The following KCNIP4 variants were observed in gnomAD, a reference collection of about 807,000 sequenced individuals.
KCNIP4 encodes the protein Kv channel-interacting protein 4.
Under a neutral mutation model 34.0 loss-of-function variants are expected in KCNIP4, and 12 were observed. The ratio of observed to expected loss-of-function variants is 0.35; its 90% CI spans 0.23 to 0.57. KCNIP4 has a LOEUF of 0.57. Among genes scored for constraint, KCNIP4 ranks in the 20% least tolerant of loss-of-function variants. KCNIP4 has a pLI of 0.83. For missense variants in KCNIP4, 238 were observed against 311.7 expected (o/e 0.76, Z 1.78); for synonymous variants, 124 against 102.2 (o/e 1.21, Z -1.29).
At chr4:21,240,142 C>T (rs550991186) in intron 1 of KCNIP4, among the ~76,000 whole-genome samples, 65 of 145,448 alleles carry the variant, frequency 4.5e-4, no homozygotes, top group African/African-American at 1.6e-3. Flanking sequence ...CCAAACACCG[C>T]ATGTTCTCAC....
At chr4:21,336,753 A>G (rs1342196184) in intron 1 of KCNIP4, among the ~76,000 whole-genome samples, 2 of 152,116 alleles carry the variant, frequency 1.3e-5, no homozygotes, top group Non-Finnish European at 2.9e-5. Flanking sequence ...CAGTTTCTTC[A>G]TCTGTAATAT....
chr4:21,686,967 C>T (rs1750850194), intron 1 of KCNIP4, among the ~76,000 whole-genome samples: 5 of 148,282 alleles, frequency 3.4e-5, no homozygotes, highest in South Asian at 2.2e-4. Context: ...GGCACATATA[C>T]ACCATGGAAT....
At chr4:21,884,985 T>C (rs1726684002) in intron 1 of KCNIP4, among the ~76,000 whole-genome samples, 1 of 152,116 alleles carries the variant, frequency 6.6e-6, no homozygotes, top group Non-Finnish European at 1.5e-5. Flanking sequence ...AACTTGATTA[T>C]TTAATTGGGT....
intron 1 of KCNIP4, among the ~76,000 whole-genome samples, chr4:21,803,420 C>T (rs906340705): frequency 2.0e-5 from 3 of 152,200 alleles, no homozygotes; most frequent in Non-Finnish European, 4.4e-5. Context: ...ATGTTCTTCA[C>T]ACAACATCCA....
At chr4:21,926,323 G>A (rs943614353) in intron 1 of KCNIP4, among the ~76,000 whole-genome samples, 1 of 152,104 alleles carries the variant, frequency 6.6e-6, no homozygotes, top group African/African-American at 2.4e-5. Context: ...GCTTAAATGA[G>A]ACCACAACAA....
chr4:20,822,378 T>C (rs947881459), intron 3 of KCNIP4, among the ~76,000 whole-genome samples: 2 of 152,224 alleles, frequency 1.3e-5, no homozygotes, highest in African/African-American at 4.8e-5. Flanking sequence ...AGATACCACC[T>C]TACTCTTGCA....
intron 1 of KCNIP4, among the ~76,000 whole-genome samples, chr4:21,775,288 G>A (rs889434263): frequency 1.3e-5 from 2 of 152,074 alleles, no homozygotes; most frequent in Admixed American, 6.5e-5. Context: ...TCCTGTGCCT[G>A]GAGAGGTCAC....
chr4:20,937,691 T>C (rs564147545), intron 1 of KCNIP4, among the ~76,000 whole-genome samples: 36 of 152,312 alleles, frequency 2.4e-4, no homozygotes, highest in Admixed American at 1.2e-3. Context: ...GTTTTAAGAC[T>C]TGAAAAAGTT....
chr4:21,648,742 G>C (rs115328969), intron 1 of KCNIP4, among the ~76,000 whole-genome samples: 1 of 152,106 alleles, frequency 6.6e-6, no homozygotes, highest in Non-Finnish European at 1.5e-5. Context: ...GCCTAACTCT[G>C]AAGTGGCAAA....
chr4:21,105,404 T>C (rs1334400159), intron 1 of KCNIP4, among the ~76,000 whole-genome samples: 5 of 151,676 alleles, frequency 3.3e-5, no homozygotes, highest in Admixed American at 2.6e-4. Context: ...GTTTGTCTGT[T>C]ATTGGTGTAT....
At chr4:20,939,947 C>T (rs984795338) in intron 1 of KCNIP4, among the ~76,000 whole-genome samples, 5 of 152,182 alleles carry the variant, frequency 3.3e-5, no homozygotes, top group Admixed American at 3.3e-4. Context: ...AACCTTGAGC[C>T]TTATTCTTCT....
chr4:21,359,186 A>G (rs1290276500), intron 1 of KCNIP4, among the ~76,000 whole-genome samples: 1 of 152,112 alleles, frequency 6.6e-6, no homozygotes, highest in African/African-American at 2.4e-5. Context: ...GAGTGGAACA[A>G]AAGGTAAAGA....
chr4:21,727,114 G>C (rs1379516788), intron 1 of KCNIP4, among the ~76,000 whole-genome samples: 2 of 152,104 alleles, frequency 1.3e-5, no homozygotes, highest in Non-Finnish European at 2.9e-5. Flanking sequence ...CTCTAAATGT[G>C]TTCCTCCAAA....
intron 1 of KCNIP4, among the ~76,000 whole-genome samples, chr4:21,187,138 T>C (rs759732729): frequency 2.0e-5 from 3 of 152,212 alleles, no homozygotes; most frequent in Non-Finnish European, 4.4e-5. Flanking sequence ...AAATCTCTAA[T>C]GTATAGCTTA....
intron 1 of KCNIP4, among the ~76,000 whole-genome samples, chr4:20,938,792 G>A (rs778016248): frequency 2.6e-5 from 4 of 152,092 alleles, no homozygotes; most frequent in Non-Finnish European, 5.9e-5. Context: ...TATTTTTACT[G>A]ACACATGGCT....
chr4:21,077,087 T>C (rs1388469148), intron 1 of KCNIP4, among the ~76,000 whole-genome samples: 1 of 151,950 alleles, frequency 6.6e-6, no homozygotes, highest in Non-Finnish European at 1.5e-5. Context: ...GCTGAAATTG[T>C]TGCACTCCAA....
At chr4:20,919,425 C>A (rs1026435770) in intron 1 of KCNIP4, among the ~76,000 whole-genome samples, 1 of 148,576 alleles carries the variant, frequency 6.7e-6, no homozygotes, top group Non-Finnish European at 1.5e-5. Flanking sequence ...AAAGATAGAT[C>A]GGGCGCGGTG....
In KCNIP4 at chr4:21,254,478, C is replaced by T. The variant is rs146972760; in HGVS notation, c.62-371769G>A. Reference sequence around the variant, plus strand: ...ATAATCTCATAGGAGTAATAGGGCACGGTTATGCATTTAAAATCATTCCTC... The same window carrying T: ...ATAATCTCATAGGAGTAATAGGGCATGGTTATGCATTTAAAATCATTCCTC... On this transcript the variant is annotated intron_variant, in intron 1 of 8. Coordinates refer to ENST00000382152, the MANE Select transcript of KCNIP4 (RefSeq NM_025221.6). Among the ~76,000 whole-genome samples the T allele has an allele frequency of 4.7e-3, 712 of 152,172 alleles. 11 individuals carry two copies. Among genetic ancestry groups the T allele is most frequent in the African/African-American group, 0.016 (657 of 41,506 alleles).
chr4:21,143,426 T>C (rs1752117907), intron 1 of KCNIP4, among the ~76,000 whole-genome samples: 1 of 152,164 alleles, frequency 6.6e-6, no homozygotes, highest in African/African-American at 2.4e-5. Context: ...TACAACCACA[T>C]GGAACTGAAT....
Sources: allele counts gnomAD v4.1 joint callset (sites outside exome capture counted in the v4.1 genomes callset), GRCh38; gene constraint gnomAD v4.1.1; transcripts MANE v1.5; gene names NCBI Gene and HGNC (gene_info 2026-07-23, HGNC 2026-07-21).